Variants in ZMYM2 observed in about 807,000 individuals in gnomAD.
ZMYM2 encodes zinc finger MYM-type containing 2, also known as zinc finger MYM-type protein 2.
In ZMYM2, 56 loss-of-function variants were observed where a neutral mutation model predicts 162.8. That is an observed-to-expected ratio of 0.34 (90% CI 0.28 to 0.43). The LOEUF is 0.43. Among genes scored for constraint, ZMYM2 ranks in the 20% least tolerant of loss-of-function variants. The probability of loss-of-function intolerance (pLI) is 1.00; values close to 1 mark genes in which losing one functional copy is unlikely to be tolerated. For missense variants in ZMYM2, 1,275 were observed against 1,621.8 expected (o/e 0.79, Z 3.67); for synonymous variants, 510 against 541.6 (o/e 0.94, Z 0.81).
chr13:19,906,369 A>G, the ZMYM2 span, among the ~76,000 whole-genome samples: 11 of 142,534 alleles, frequency 7.7e-5, no homozygotes, highest in Non-Finnish European at 1.5e-4. Context: ...ATATATGTAT[A>G]TATATATGTG....
At chr13:19,910,296 T>A in the ZMYM2 span, among the ~76,000 whole-genome samples, 1 of 152,080 alleles carries the variant, frequency 6.6e-6, no homozygotes, top group African/African-American at 2.4e-5. Context: ...CTGCATTTAG[T>A]GTTGCAGCTT....
intron 2 of ZMYM2, among the ~76,000 whole-genome samples, chr13:19,973,799 TG>T (rs1210673708): frequency 6.6e-6 from 1 of 151,668 alleles, no homozygotes; most frequent in Non-Finnish European, 1.5e-5. Context: ...GTCTTTTGAG[TG>T]TGGCTCAACA....
upstream of ZMYM2, among the ~76,000 whole-genome samples, chr13:19,953,839 A>G (rs1365493764): frequency 6.6e-6 from 1 of 152,012 alleles, no homozygotes; most frequent in African/African-American, 2.4e-5. Context: ...ACAGTTTGTA[A>G]ACCATGAAAT....
chr13:19,931,294 T>C, the ZMYM2 span, among the ~76,000 whole-genome samples: 3 of 152,156 alleles, frequency 2.0e-5, no homozygotes, highest in Admixed American at 1.3e-4. Context: ...CCCCCCATCA[T>C]CTTCAGTTGA....
chr13:19,910,154 G>T, the ZMYM2 span, among the ~76,000 whole-genome samples: 7 of 152,012 alleles, frequency 4.6e-5, no homozygotes, highest in African/African-American at 1.7e-4. Flanking sequence ...GTGAACCCGG[G>T]AGGCGGAGCT....
At chr13:19,993,972 G>T in intron 3 of ZMYM2, 53 bp downstream of exon 3, 2 of 1,546,202 alleles carry the variant, frequency 1.3e-6, no homozygotes, top group Non-Finnish European at 8.7e-7. Context: ...ACTTTTGGCT[G>T]CTGCTTTTTT....
At chr13:20,079,627 TC>T (rs34339152) in intron 21 of ZMYM2, among the ~76,000 whole-genome samples, 6 of 152,162 alleles carry the variant, frequency 3.9e-5, no homozygotes, top group African/African-American at 1.4e-4. Flanking sequence ...TGGCATTGCT[TC>T]CCATACTACC....
At chr13:20,019,723 A>G in intron 7 of ZMYM2, 105 bp downstream of exon 7, 1 of 1,008,692 alleles carries the variant, frequency 9.9e-7, no homozygotes, top group Non-Finnish European at 1.5e-6. Context: ...GAAATATATT[A>G]AAATTTCCAA....
chr13:19,888,504 A>G, the ZMYM2 span, among the ~76,000 whole-genome samples: 1 of 151,866 alleles, frequency 6.6e-6, no homozygotes, highest in African/African-American at 2.4e-5. Context: ...TTTATTTTAT[A>G]TAGGAAACTG....
chr13:19,993,521 C>A lies in ZMYM2; in HGVS notation c.449C>A (p.Thr150Asn). 1 of 1,613,922 alleles carries A rather than the reference C, an allele frequency of 6.2e-7. No individual in the cohort carries two copies. ...ERRPPETKNR[T>N]NDVDFSTSSF... is the part of the protein sequence containing the mutation. ...AGACCTCCTGAGACTAAAAACAGAA[C>A]CAATGATGTGGATTTCTCCACTTCC... Residue 150 changes from threonine to asparagine, a missense_variant, in exon 3 of 25, where the codon ACC becomes AAC. Thr to Asn is a moderately conservative substitution (Grantham distance 65, BLOSUM62 0). This residue lies in a region of ZMYM2 where 295 missense variants were observed against 286.7 expected (regional missense o/e 1.03). Coordinates refer to ENST00000610343, the MANE Select transcript of ZMYM2 (RefSeq NM_197968.4).
the ZMYM2 span, among the ~76,000 whole-genome samples, chr13:19,929,818 A>G: frequency 6.6e-6 from 1 of 152,314 alleles, no homozygotes; most frequent in South Asian, 2.1e-4. Context: ...GATTAGGTTA[A>G]TTTACTTGTA....
upstream of ZMYM2, among the ~76,000 whole-genome samples, chr13:19,957,814 G>A (rs1386834419): frequency 6.6e-6 from 1 of 152,164 alleles, no homozygotes; most frequent in Non-Finnish European, 1.5e-5. Flanking sequence ...AGCTCCAGGG[G>A]AGCCCGCAGC....
chr13:19,896,974 G>A, the ZMYM2 span, among the ~76,000 whole-genome samples: 1 of 151,308 alleles, frequency 6.6e-6, no homozygotes, highest in African/African-American at 2.4e-5. Context: ...TCAGGAGGCT[G>A]AGGCAGGAGA....
chr13:19,995,984 C>G (rs1949986975), intron 3 of ZMYM2, among the ~76,000 whole-genome samples: 1 of 152,170 alleles, frequency 6.6e-6, no homozygotes, highest in East Asian at 1.9e-4. Context: ...AAGTGAGACC[C>G]TGTCTCAAAA....
chr13:19,962,986 A>G (rs199754965), intron 2 of ZMYM2, among the ~76,000 whole-genome samples: 5 of 151,688 alleles, frequency 3.3e-5, no homozygotes, highest in South Asian at 4.2e-4. Context: ...ACACCTGGCT[A>G]GTTTTGTATT....
At chr13:19,956,827 A>G (rs1954541965), upstream of ZMYM2, among the ~76,000 whole-genome samples, 1 of 152,220 alleles carries the variant, frequency 6.6e-6, no homozygotes, top group South Asian at 2.1e-4. Flanking sequence ...ACCTGGCAGC[A>G]GAAAAGGAAT....
the ZMYM2 span, among the ~76,000 whole-genome samples, chr13:19,927,343 A>G: frequency 6.6e-6 from 1 of 152,164 alleles, no homozygotes; most frequent in Non-Finnish European, 1.5e-5. Context: ...AATCTTAACA[A>G]ATATACTTTA....
At chr13:20,045,049 C>CAAAAAAAAAA (rs933854935) in intron 12 of ZMYM2, among the ~76,000 whole-genome samples, 6 of 47,450 alleles carry the variant, frequency 1.3e-4, no homozygotes, top group African/African-American at 2.3e-4. Flanking sequence ...GACTCTGTGT[C>CAAAAAAAAAA]AAAAAAAAAA....
rs1324228495 is a variant in ZMYM2 at position 19,990,633 on chromosome 13, CAA to C, written c.-10-2429_-10-2428del. Among the ~76,000 whole-genome samples, 81 of 152,278 alleles carry C rather than the reference CAA, an allele frequency of 5.3e-4. 2 individuals are homozygous for C. The highest frequency in any genetic ancestry group is 2.6e-4 in the Non-Finnish European group (18 of 68,004). On this transcript the variant is annotated intron_variant, in intron 2 of 24. Transcript: ENST00000610343. ...GTGGCCCAAAATTAAGAAAATGCTA[CAA>C]GACGTACAGTGAAAAATGCCTCTAC...
Sources: allele counts gnomAD v4.1 joint callset (sites outside exome capture counted in the v4.1 genomes callset), GRCh38; gene constraint gnomAD v4.1.1; regional missense constraint gnomAD v4.1.1; transcripts MANE v1.5; gene names NCBI Gene and HGNC (gene_info 2026-07-23, HGNC 2026-07-21).